Variants in FGGY observed in about 807,000 individuals in gnomAD.
FGGY encodes the protein FGGY carbohydrate kinase domain-containing protein.
In FGGY, 72 loss-of-function variants were observed where a neutral mutation model predicts 71.3. The observed-to-expected ratio is 1.01, with a 90% confidence interval of 0.84 to 1.23. The LOEUF (loss-of-function observed/expected upper bound fraction) is 1.23. FGGY is among the 50% of genes most tolerant of loss of function. The pLI is 0.00. For missense variants in FGGY, 668 were observed against 682.3 expected (o/e 0.98, Z 0.23); for synonymous variants, 251 against 250.3 (o/e 1.00, Z -0.02).
At chr1:59,306,944 G>T (rs1452553627) in intron 1 of FGGY, among the ~76,000 whole-genome samples, 1 of 152,146 alleles carries the variant, frequency 6.6e-6, no homozygotes, top group Non-Finnish European at 1.5e-5. Context: ...ACAGGCTATG[G>T]GAGAGAGATT....
intron 14 of FGGY, among the ~76,000 whole-genome samples, chr1:59,687,307 C>T (rs1391407623): frequency 2.6e-5 from 4 of 152,144 alleles, no homozygotes; most frequent in Non-Finnish European, 5.9e-5. Flanking sequence ...CTTTGGTTTC[C>T]GTTCTATACT....
chr1:59,702,424 T>C (rs1933214), intron 14 of FGGY, among the ~76,000 whole-genome samples: 148,344 of 152,266 alleles, frequency 0.97, 72,392 homozygotes, highest in East Asian at 1. Flanking sequence ...GGAGAAAAGG[T>C]TAGGCATTCA....
At chr1:59,389,051 G>A (rs546446617) in intron 5 of FGGY, among the ~76,000 whole-genome samples, 3 of 152,112 alleles carry the variant, frequency 2.0e-5, no homozygotes, top group South Asian at 2.1e-4. Context: ...GGGTTCAAGC[G>A]ATTCTCCTGC....
intron 5 of FGGY, among the ~76,000 whole-genome samples, chr1:59,412,090 G>A (rs916376503): frequency 1.3e-5 from 2 of 152,214 alleles, no homozygotes; most frequent in African/African-American, 4.8e-5. Flanking sequence ...CAGGAGGACA[G>A]TAAAGGGAAA....
chr1:59,757,313 T>A (rs1486194576), intron 14 of FGGY, among the ~76,000 whole-genome samples: 1 of 152,198 alleles, frequency 6.6e-6, no homozygotes, highest in Non-Finnish European at 1.5e-5. Context: ...ACCCAGATGC[T>A]GTAACATGTC....
chr1:59,689,217 G>C (rs1216362222), intron 14 of FGGY, among the ~76,000 whole-genome samples: 1 of 152,158 alleles, frequency 6.6e-6, no homozygotes. Context: ...CTGGCTTTGT[G>C]TAAGAAATGG....
At chr1:59,329,585 G>C (rs1356247077) in intron 2 of FGGY, among the ~76,000 whole-genome samples, 1 of 152,194 alleles carries the variant, frequency 6.6e-6, no homozygotes, top group Non-Finnish European at 1.5e-5. Flanking sequence ...ATCTCATGAT[G>C]CTTCTCCTGG....
chr1:59,446,393 A>G (rs915212816), intron 5 of FGGY, among the ~76,000 whole-genome samples: 1 of 152,076 alleles, frequency 6.6e-6, no homozygotes, highest in African/African-American at 2.4e-5. Context: ...GCAATTTAAT[A>G]TTGCCCTGTG....
rs926476827 is a variant in FGGY at position 59,446,376 on chromosome 1, C to T, written c.555-10585C>T. On this transcript the variant is annotated intron_variant, in intron 5 of 15. Transcript: ENST00000303721. ...GAATCATGTTATCGGCAAGTCTGAC[C>T]GAAAAAGCAATTTAATATTGCCCTG... Among the ~76,000 whole-genome samples, 26 of 152,104 alleles carry T rather than the reference C, an allele frequency of 1.7e-4. 1 individual carries two copies. In the East Asian group the frequency reaches 2.3e-3, roughly 14 times the overall value.
chr1:59,338,875 C>T (rs2050118000), intron 2 of FGGY, among the ~76,000 whole-genome samples: 2 of 152,054 alleles, frequency 1.3e-5, no homozygotes, highest in Admixed American at 6.6e-5. Context: ...AGTTTGTTGT[C>T]ATTAATTATA....
intron 2 of FGGY, among the ~76,000 whole-genome samples, chr1:59,338,781 C>T (rs968934016): frequency 3.3e-5 from 5 of 152,132 alleles, no homozygotes; most frequent in African/African-American, 9.7e-5. Flanking sequence ...CTGAAGCTAA[C>T]CTTCTTCTAT....
chr1:59,356,455 T>G (rs1202948403), intron 4 of FGGY, among the ~76,000 whole-genome samples: 1 of 152,188 alleles, frequency 6.6e-6, no homozygotes, highest in Non-Finnish European at 1.5e-5. Context: ...GAAGCCTTCC[T>G]TGACTTAGGG....
At chr1:59,605,433 G>A (rs2096614858) in intron 8 of FGGY, among the ~76,000 whole-genome samples, 1 of 152,124 alleles carries the variant, frequency 6.6e-6, no homozygotes, top group African/African-American at 2.4e-5. Flanking sequence ...CAGGCACTAT[G>A]CTCTTGTTCA....
intron 9 of FGGY, among the ~76,000 whole-genome samples, chr1:59,610,560 C>T (rs933733460): frequency 2.0e-5 from 3 of 152,234 alleles, no homozygotes; most frequent in South Asian, 2.1e-4. Context: ...ATAGGAACAG[C>T]TCCAGTCTAC....
intron 13 of FGGY, among the ~76,000 whole-genome samples, chr1:59,673,148 G>T (rs1390186025): frequency 6.6e-6 from 1 of 152,190 alleles, no homozygotes; most frequent in Admixed American, 6.5e-5. Flanking sequence ...AGTTTTTGGA[G>T]GGGAGACAGA....
At chr1:59,352,185 T>G (rs77789555) in intron 4 of FGGY, among the ~76,000 whole-genome samples, 1 of 152,182 alleles carries the variant, frequency 6.6e-6, no homozygotes, top group Non-Finnish European at 1.5e-5. Context: ...CTTGAGCAGC[T>G]GGGGTCTCCT....
At chr1:59,611,645 C>T (rs561925060) in intron 9 of FGGY, among the ~76,000 whole-genome samples, 9 of 152,284 alleles carry the variant, frequency 5.9e-5, no homozygotes, top group African/African-American at 1.9e-4. Flanking sequence ...CAAAGCTGGA[C>T]GGAGTATGAC....
At chr1:59,642,816 G>A (rs1421033214) in intron 11 of FGGY, among the ~76,000 whole-genome samples, 1 of 151,824 alleles carries the variant, frequency 6.6e-6, no homozygotes, top group Non-Finnish European at 1.5e-5. Flanking sequence ...TGGATCACGA[G>A]GTCAGGAGAT....
At chr1:59,604,048 G>C (rs2096601149) in intron 8 of FGGY, among the ~76,000 whole-genome samples, 1 of 152,126 alleles carries the variant, frequency 6.6e-6, no homozygotes, top group African/African-American at 2.4e-5. Context: ...AATATGCTTA[G>C]AATCAGGCCT....
Sources: allele counts gnomAD v4.1 joint callset (sites outside exome capture counted in the v4.1 genomes callset), GRCh38; gene constraint gnomAD v4.1.1; transcripts MANE v1.5; gene names NCBI Gene and HGNC (gene_info 2026-07-23, HGNC 2026-07-21).